NFIX: variants seen among roughly 807,000 people sequenced by gnomAD.
NFIX encodes nuclear factor I X.
NFIX carries 2 observed loss-of-function variants against 53.3 expected under a neutral mutation model. The observed-to-expected ratio is 0.04, with a 90% CI of 0.02 to 0.12. The LOEUF (loss-of-function observed/expected upper bound fraction) is 0.12, where lower values mean the gene tolerates loss of function less well. Ranked by LOEUF, NFIX falls within the 10% of genes least tolerant of loss-of-function variation. NFIX has a pLI of 1.00. For missense variants in NFIX, 310 were observed against 674.5 expected, an observed-to-expected ratio of 0.46 and a Z score of 5.99; for synonymous variants, 244 against 289.0, an observed-to-expected ratio of 0.84 and a Z score of 1.58.
chr19:13,024,538 C>T, intron 1 of NFIX: 5 of 1,526,630 alleles, frequency 3.3e-6, no homozygotes, highest in Non-Finnish European at 4.4e-6. Flanking sequence ...GGACCAGAGG[C>T]GGCCCCGCAC....
rs1181026188 is a variant in NFIX, at chr19:13,006,387, A to C, written c.27+10523A>C. 1.3e-5 allele frequency among the ~76,000 whole-genome samples: 2 copies of C among 152,164 alleles called. No individual in the cohort carries two copies. Among genetic ancestry groups the C allele is most frequent in the African/African-American group, 2.4e-5 (1 of 41,422 alleles). ...AGACCATGTTGCCTGTCATTTCTTC[A>C]ATCTGAGCTCATCTATTATCCATAT... On this transcript the variant is annotated intron_variant, in intron 1 of 10. Coordinates refer to ENST00000592199, the MANE Select transcript of NFIX (RefSeq NM_001365902.3). The surrounding 1 kb of genome is among the most constrained non-coding windows in gnomAD (Gnocchi z 5.6).
chr19:13,053,338 G>A (rs2015442730), intron 2 of NFIX, among the ~76,000 whole-genome samples: 1 of 152,094 alleles, frequency 6.6e-6, no homozygotes, highest in Non-Finnish European at 1.5e-5. Context: ...TCCCTCACAG[G>A]GCTGGGGAGC....
In NFIX at chr19:13,013,615, C is replaced by T. The variant is rs888907698; in HGVS notation, c.28-11406C>T. On this transcript the variant is annotated intron_variant, in intron 1 of 10. Coordinates refer to ENST00000592199, the MANE Select transcript of NFIX (RefSeq NM_001365902.3). The surrounding 1 kb of genome is among the most constrained non-coding windows in gnomAD (Gnocchi z 5.9). ...AGACCACACTTAGCTTTTTTTTTCC[C>T]CCCTTACTCTTCGAGTCTTTTTCCT... is the stretch of plus-strand genomic sequence containing the variant. The T allele has an allele frequency of 1.3e-5, 2 of 152,078 alleles. No individual in the cohort carries two copies. The highest frequency in any genetic ancestry group is 4.8e-5 in the African/African-American group (2 of 41,416). The allele number at this position is 152,078 out of a possible 1,614,324, so 9.4% of individuals were successfully genotyped here.
At chr19:13,029,020 C>G (rs2013591026) in intron 2 of NFIX, among the ~76,000 whole-genome samples, 1 of 152,304 alleles carries the variant, frequency 6.6e-6, no homozygotes, top group Admixed American at 6.5e-5. Context: ...TCCTGTGCGC[C>G]TGCAGCGGAA....
chr19:13,047,971 C>T (rs1157762711), intron 2 of NFIX, among the ~76,000 whole-genome samples: 1 of 152,210 alleles, frequency 6.6e-6, no homozygotes, highest in Non-Finnish European at 1.5e-5. Context: ...TGCTTCTCGA[C>T]CTGTGTTTTC....
intron 2 of NFIX, among the ~76,000 whole-genome samples, chr19:13,050,092 A>G (rs944993126): frequency 3.3e-5 from 5 of 152,186 alleles, no homozygotes; most frequent in Admixed American, 3.3e-4. Flanking sequence ...CCTGTCCTAG[A>G]GTTTCATAAC....
At chr19:13,038,759 G>A (rs2014394485) in intron 2 of NFIX, among the ~76,000 whole-genome samples, 2 of 152,304 alleles carry the variant, frequency 1.3e-5, no homozygotes, top group South Asian at 4.1e-4. Context: ...GTTTCTGCTG[G>A]CCTCGGACAG....
rs930870866 is a variant in NFIX at position 13,001,460 on chromosome 19, C to T, written c.27+5596C>T. Among the ~76,000 whole-genome samples the T allele has an allele frequency of 5.9e-5, 9 of 151,998 alleles. No homozygotes were observed. The highest frequency in any genetic ancestry group is 1.9e-4 in the East Asian group (1 of 5,180). Reference sequence around the variant, plus strand: ...GGATGTAGTCTCTGTGTCACGGTGGCGCTGCGCACGTCAACGGGTATTGGT... The same window carrying T: ...GGATGTAGTCTCTGTGTCACGGTGGTGCTGCGCACGTCAACGGGTATTGGT... On this transcript the variant is annotated intron_variant, in intron 1 of 10. Coordinates refer to ENST00000592199, the MANE Select transcript of NFIX (RefSeq NM_001365902.3). The surrounding 1 kb of genome is among the most constrained non-coding windows in gnomAD (Gnocchi z 6.5).
In NFIX at chr19:13,067,194, T is replaced by C. The variant is rs987058839; in HGVS notation, c.560-5853T>C. On this transcript the variant is annotated intron_variant, in intron 2 of 10. Coordinates refer to ENST00000592199, the MANE Select transcript of NFIX (RefSeq NM_001365902.3). The surrounding 1 kb of genome is among the most constrained non-coding windows in gnomAD (Gnocchi z 4.2). ...GGAGGGCCAGTGATTGGCCCCAGAA[T>C]CGCATCAGCCCTTCAGAGGATGGGG... 2.0e-5 allele frequency among the ~76,000 whole-genome samples: 3 copies of C among 151,956 alleles called. No individual in the cohort carries two copies. Among genetic ancestry groups the C allele is most frequent in the African/African-American group, 7.3e-5 (3 of 41,348 alleles).
intron 6 of NFIX, among the ~76,000 whole-genome samples, 176 bp downstream of exon 6, chr19:13,075,847 G>A (rs1329671421): frequency 6.6e-6 from 1 of 152,196 alleles, no homozygotes; most frequent in Non-Finnish European, 1.5e-5. Context: ...GGAAGGGAGT[G>A]GAGGTGAGGG....
Position 13,045,336 on chromosome 19 carries a change from C to T in NFIX, c.559+19784C>T, listed in dbSNP as rs2014917327. Among the ~76,000 whole-genome samples, 2 of 152,006 alleles carry T rather than the reference C, an allele frequency of 1.3e-5. No homozygotes were observed. The highest frequency in any genetic ancestry group is 2.1e-4 in the South Asian group (1 of 4,820). On this transcript the variant is annotated intron_variant, in intron 2 of 10. Coordinates refer to ENST00000592199, the MANE Select transcript of NFIX (RefSeq NM_001365902.3). The surrounding 1 kb of genome is among the most constrained non-coding windows in gnomAD (Gnocchi z 4.4). ...GGGTTCTCAGTGAGGGTGGTTCTGC[C>T]CCTAGGGTATATTTGGTAGTGGCTG... is the stretch of plus-strand genomic sequence containing the variant.
chr19:13,076,839 G>A (rs1020564427), intron 6 of NFIX, among the ~76,000 whole-genome samples: 1 of 152,152 alleles, frequency 6.6e-6, no homozygotes, highest in African/African-American at 2.4e-5. Flanking sequence ...CTCCTCCTGG[G>A]AGGAGGAAAG....
At position 13,066,407 on chromosome 19, in the gene NFIX, AGC is replaced by A. The variant is rs1472956697; in HGVS notation, c.560-6639_560-6638del. On this transcript the variant is annotated intron_variant, in intron 2 of 10. Transcript: ENST00000592199. This position sits in a 1 kb window ranked among gnomAD's most constrained non-coding sequence, Gnocchi z 4.2. ...GAGCCTAGGCCCTAGGGGCAGCCAG[AGC>A]AGGCCTAGACCACATGTGGGTGTCA... Among the ~76,000 whole-genome samples the A allele has an allele frequency of 6.8e-6, 1 of 147,256 alleles. No individual in the cohort carries two copies. Among genetic ancestry groups the A allele is most frequent in the Non-Finnish European group, 1.5e-5 (1 of 66,702 alleles).
Position 13,051,642 on chromosome 19 carries a change from G to A in NFIX, c.560-21405G>A, listed in dbSNP as rs898069928. 1.3e-5 allele frequency among the ~76,000 whole-genome samples: 2 copies of A among 152,088 alleles called. No homozygotes were observed. The highest frequency in any genetic ancestry group is 2.9e-5 in the Non-Finnish European group (2 of 67,998). ...GAGTGAGCTCTAGAGGCCCTTCCTC[G>A]GAGAAGCCCAGCCCTCCTCCTCCTC... On this transcript the variant is annotated intron_variant, in intron 2 of 10. Transcript: ENST00000592199. This position sits in a 1 kb window ranked among gnomAD's most constrained non-coding sequence, Gnocchi z 5.1.
chr19:13,077,780 C>T (rs1295595401), intron 6 of NFIX, among the ~76,000 whole-genome samples: 2 of 152,214 alleles, frequency 1.3e-5, no homozygotes, highest in East Asian at 1.9e-4. Flanking sequence ...AAGAACCTGG[C>T]CCCCTGGGGG....
At chr19:13,024,146 A>C (rs1347391024) in intron 1 of NFIX, 1 of 781,070 alleles carries the variant, frequency 1.3e-6, no homozygotes, top group Admixed American at 2.7e-5. Context: ...CAAAACCGAG[A>C]GAGCCCATCC....
intron 1 of NFIX, among the ~76,000 whole-genome samples, chr19:13,015,469 A>G (rs2145164921): frequency 6.6e-6 from 1 of 150,442 alleles, no homozygotes; most frequent in East Asian, 2.0e-4. Flanking sequence ...ATGCCATTCT[A>G]CTCCCCTCAC....
rs2018003252 is a variant in NFIX, at chr19:13,089,422, T to A, written c.1403-877T>A. Among the ~76,000 whole-genome samples the A allele has an allele frequency of 6.6e-6, 1 of 152,030 alleles. No individual in the cohort carries two copies. Among genetic ancestry groups the A allele is most frequent in the East Asian group, 1.9e-4 (1 of 5,174 alleles). ...CAACCTGAGAGGAACTCAGGGCTGT[T>A]GAGATCATTTTGTCTTTGGGCCCCA... On this transcript the variant is annotated intron_variant, in intron 9 of 10. Coordinates refer to ENST00000592199, the MANE Select transcript of NFIX (RefSeq NM_001365902.3). The surrounding 1 kb of genome is among the most constrained non-coding windows in gnomAD (Gnocchi z 4.8).
chr19:13,070,825 C>T (rs1332608455), intron 2 of NFIX: 1 of 152,310 alleles, frequency 6.6e-6, no homozygotes, highest in Admixed American at 6.5e-5. Context: ...AGAAGGATTT[C>T]CTGTCTGTCG....
Sources: gnomAD v4.1 joint callset for allele counts (sites outside exome capture counted in the v4.1 genomes callset) on GRCh38, gnomAD v4.1.1 for gene constraint, Gnocchi (gnomAD v3.1) non-coding constraint, MANE v1.5 for transcripts, NCBI Gene and HGNC (gene_info 2026-07-23, HGNC 2026-07-21) for gene names.